The following LATS1 variants were observed in gnomAD, a reference collection of about 807,000 sequenced individuals.
LATS1 encodes serine/threonine-protein kinase LATS1.
LATS1 carries 25 observed loss-of-function variants against 106.6 expected under a neutral mutation model. The observed-to-expected ratio is 0.23, with a 90% CI of 0.17 to 0.33. The LOEUF is 0.33. Among genes scored for constraint, LATS1 ranks in the 10% least tolerant of loss-of-function variants. LATS1 has a pLI of 1.00. For missense variants in LATS1, 1,040 were observed against 1,382.6 expected, an observed-to-expected ratio of 0.75 and a Z score of 3.93; for synonymous variants, 465 against 455.6, an observed-to-expected ratio of 1.02 and a Z score of -0.26.
At chr6:149,672,927 A>G (rs574853684) in intron 7 of LATS1, among the ~76,000 whole-genome samples, 3 of 152,092 alleles carry the variant, frequency 2.0e-5, no homozygotes, top group African/African-American at 7.3e-5. Flanking sequence ...CTGGGCAACA[A>G]GAGTGAAACT....
intron 1 of LATS1, among the ~76,000 whole-genome samples, chr6:149,710,574 C>T (rs1313100693): frequency 6.6e-6 from 1 of 152,098 alleles, no homozygotes; most frequent in Non-Finnish European, 1.5e-5. Flanking sequence ...GGTGCTGCTA[C>T]AATAAAAACC....
At chr6:149,668,070 G>A (rs951392149) in intron 7 of LATS1, among the ~76,000 whole-genome samples, 2 of 152,118 alleles carry the variant, frequency 1.3e-5, no homozygotes, top group African/African-American at 2.4e-5. Flanking sequence ...ACAGGTGCAC[G>A]CCACCAGCCC....
rs188200229 is a variant in LATS1, at chr6:149,683,637, T to C, written c.1452A>G (p.Thr484=). 7.4e-6 allele frequency: 12 copies of C among 1,614,208 alleles called. No individual in the cohort carries two copies. Among genetic ancestry groups the C allele is most frequent in the Middle Eastern group, 1.6e-4 (1 of 6,062 alleles). Residue 484 remains threonine, a synonymous_variant, in exon 4 of 8, where the codon ACA becomes ACG. Coordinates refer to ENST00000543571, the MANE Select transcript of LATS1 (RefSeq NM_004690.4). The stretch of plus-strand genomic sequence containing the variant: ...GAGCTGGTGTAATTGCAGTGACTGT[T>C]GTAGCAGAAGGCTGAGAATTAGCAG... ...SHSANSQPSA[T]TVTAITPAPI...
At chr6:149,714,281 T>C (rs949761635) in intron 1 of LATS1, among the ~76,000 whole-genome samples, 3 of 152,168 alleles carry the variant, frequency 2.0e-5, no homozygotes, top group African/African-American at 7.2e-5. Flanking sequence ...TATTATTATT[T>C]TTGTAAATAC....
At chr6:149,686,982 T>G (rs978431891) in intron 3 of LATS1, among the ~76,000 whole-genome samples, 3 of 152,242 alleles carry the variant, frequency 2.0e-5, no homozygotes, top group Non-Finnish European at 4.4e-5. Flanking sequence ...ATAACTACTT[T>G]AAGGTTTATA....
chr6:149,684,251 T>G lies in LATS1; in HGVS notation c.838A>C (p.Asn280His), dbSNP rs1272373674. ...PNSQTKRYSG[N>H]MEYVISRISP... Reference sequence around the variant, plus strand: ...ATTCGGGAGATTACGTATTCCATGTTTCCAGAATAGCGCTTTGTTTGAGAG... The same window carrying G: ...ATTCGGGAGATTACGTATTCCATGTGTCCAGAATAGCGCTTTGTTTGAGAG... Residue 280 changes from asparagine (N) to histidine (H), a missense_variant, in exon 4 of 8, where the codon AAC (asparagine) becomes CAC (histidine). By Grantham distance (68) the Asn-to-His change is moderately conservative (BLOSUM62 1). Coordinates refer to ENST00000543571, the MANE Select transcript of LATS1 (RefSeq NM_004690.4). 34 of 1,614,192 alleles carry G rather than the reference T, an allele frequency of 2.1e-5. No homozygotes were observed. Among genetic ancestry groups the G allele is most frequent in the Non-Finnish European group, 2.8e-5 (33 of 1,180,038 alleles).
At position 149,679,896 on chromosome 6, in the gene LATS1, CGT is replaced by C. The variant is rs1562328452; in HGVS notation, c.2570_2571del (p.His857ArgfsTer3). Reference protein sequence around the residue: ...FGLCTGFRWTHDSKYYQSGDH... With the variant: ...FGLCTGFRWTXDSKYYQSGDH... ...TTACCACTCTGATAGTACTTAGAATCGTGTGTCCATCTGAAGCCAGTGCAGAG... is the reference window on the plus strand; with the variant it reads ...TTACCACTCTGATAGTACTTAGAATCGTGTCCATCTGAAGCCAGTGCAGAG... On this transcript the variant is annotated frameshift_variant, in exon 5 of 8. Coordinates refer to ENST00000543571, the MANE Select transcript of LATS1 (RefSeq NM_004690.4). LOFTEE classifies it high-confidence loss of function. The C allele has an allele frequency of 6.2e-7, 1 of 1,602,736 alleles. No homozygotes were observed. The highest frequency in any genetic ancestry group is 1.7e-5 in the Admixed American group (1 of 57,640).
chr6:149,695,994 C>T (rs1441376497), intron 2 of LATS1, among the ~76,000 whole-genome samples: 4 of 151,732 alleles, frequency 2.6e-5, no homozygotes, highest in Non-Finnish European at 4.4e-5. Flanking sequence ...CAACTTCTAC[C>T]TCCTGGGCTC....
rs546766327 is a variant in LATS1 at position 149,668,905 on chromosome 6, G to A, written c.2884-6667C>T. Among the ~76,000 whole-genome samples, 38 of 151,600 alleles carry A rather than the reference G, an allele frequency of 2.5e-4. 2 individuals carry two copies. The South Asian group carries it at 7.9e-3, about 32-fold the overall frequency. On this transcript the variant is annotated intron_variant, in intron 7 of 7. Transcript: ENST00000543571. Reference sequence around the variant, plus strand: ...GCAGCCTTGACCTCCTGGACTTAAGGGATCCTCCCACTTACTGGTGCCCCC... The same window carrying A: ...GCAGCCTTGACCTCCTGGACTTAAGAGATCCTCCCACTTACTGGTGCCCCC...
intron 7 of LATS1, among the ~76,000 whole-genome samples, chr6:149,668,148 AC>A (rs1781258851): frequency 6.6e-6 from 1 of 152,114 alleles, no homozygotes; most frequent in Non-Finnish European, 1.5e-5. Flanking sequence ...CAAACTCCTG[AC>A]CTCAGGTGAT....
chr6:149,664,558 G>A (rs1781044542), intron 7 of LATS1, among the ~76,000 whole-genome samples: 1 of 152,076 alleles, frequency 6.6e-6, no homozygotes. Flanking sequence ...TGAGGAAGAT[G>A]TACTACATAT....
Position 149,701,895 on chromosome 6 carries a change from A to T in LATS1, c.232T>A (p.Leu78Met), listed in dbSNP as rs755669601. 2 of 1,614,198 alleles carry T rather than the reference A, an allele frequency of 1.2e-6. No homozygotes were observed. Among genetic ancestry groups the T allele is most frequent in the Non-Finnish European group, 1.7e-6 (2 of 1,180,018 alleles). ...AGCAGAGAGTTTCGAATTTCCTGCA[A>T]GGCTTTATGATGCGTCCCAAATTTG... is the stretch of plus-strand genomic sequence containing the variant. ...PPKFGTHHKA[L>M]QEIRNSLLPF... Residue 78 changes from leucine (L) to methionine (M), a missense_variant, in exon 2 of 8, where the codon TTG becomes ATG. By Grantham distance (15) the Leu-to-Met change is conservative. Transcript: ENST00000543571.
chr6:149,694,406 C>G (rs996000003), intron 3 of LATS1, among the ~76,000 whole-genome samples: 1 of 152,112 alleles, frequency 6.6e-6, no homozygotes, highest in Non-Finnish European at 1.5e-5. Context: ...ATCACCCGGG[C>G]TTAGGTAAGC....
chr6:149,701,690 A>G, intron 2 of LATS1, 89 bp downstream of exon 2: 1 of 902,274 alleles, frequency 1.1e-6, no homozygotes. Flanking sequence ...AATTCTCCCA[A>G]AGGAAACATT....
At chr6:149,697,025 T>C in intron 2 of LATS1, 1 of 625,810 alleles carries the variant, frequency 1.6e-6, no homozygotes, top group Non-Finnish European at 2.6e-6. Flanking sequence ...TATATAAACA[T>C]AAATCACTCA....
At chr6:149,670,704 A>G (rs1322408524) in intron 7 of LATS1, among the ~76,000 whole-genome samples, 1 of 152,086 alleles carries the variant, frequency 6.6e-6, no homozygotes, top group African/African-American at 2.4e-5. Context: ...GCAGATTTAA[A>G]GAGACAGAGA....
In LATS1 at chr6:149,676,726, G is replaced by C. The variant is rs142843346; in HGVS notation, c.2605C>G (p.Arg869Gly). ...SKYYQSGDHP[R>G]QDSMDFSNEW... ...TTACTGAAATCCATGCTATCTTGCC[G>C]TGGATGGTCACCTGCACAACAAAAG... is the stretch of plus-strand genomic sequence containing the variant. Residue 869 changes from arginine (R) to glycine (G), a missense_variant, in exon 6 of 8, where the codon CGG becomes GGG. By Grantham distance (125) the Arg-to-Gly change is moderately radical. Transcript: ENST00000543571. The C allele has an allele frequency of 1.2e-6, 2 of 1,611,854 alleles. No homozygotes were observed. The highest frequency in any genetic ancestry group is 1.7e-6 in the Non-Finnish European group (2 of 1,178,368).
At position 149,701,887 on chromosome 6, in the gene LATS1, T is replaced by C; in HGVS notation, c.240A>G (p.Glu80=). Residue 80 remains glutamate (E), a synonymous_variant, in exon 2 of 8, where the codon GAA becomes GAG. Transcript: ENST00000543571. ...KFGTHHKALQ[E]IRNSLLPFAN... ...CAAATGGAAGCAGAGAGTTTCGAAT[T>C]TCCTGCAAGGCTTTATGATGCGTCC... 1.9e-6 allele frequency: 3 copies of C among 1,614,164 alleles called. No homozygotes were observed. The highest frequency in any genetic ancestry group is 2.5e-6 in the Non-Finnish European group (3 of 1,180,022).
rs560357816 is a variant in LATS1, at chr6:149,686,483, C to T, written c.497-1891G>A. On this transcript the variant is annotated intron_variant, in intron 3 of 7. Coordinates refer to ENST00000543571, the MANE Select transcript of LATS1 (RefSeq NM_004690.4). The stretch of plus-strand genomic sequence containing the variant: ...TTCCCGAACCTTTCCACCATGCCCT[C>T]CGGATCCACTCGGCTCCACAGCCAG... Among the ~76,000 whole-genome samples the T allele has an allele frequency of 2.2e-4, 33 of 152,260 alleles. No homozygotes were observed. The South Asian group carries it at 5.6e-3, about 26-fold the overall frequency.
Sources: allele counts gnomAD v4.1 joint callset (sites outside exome capture counted in the v4.1 genomes callset), GRCh38; gene constraint gnomAD v4.1.1; transcripts MANE v1.5; gene names NCBI Gene and HGNC (gene_info 2026-07-23, HGNC 2026-07-21).